EPHA6: variants seen among roughly 807,000 people sequenced by gnomAD.
EPHA6 encodes ephrin type-A receptor 6.
A neutral mutation model predicts 112.0 loss-of-function variants in EPHA6; 50 were observed. The ratio of observed to expected loss-of-function variants is 0.45; its 90% CI spans 0.36 to 0.56. EPHA6 has a LOEUF of 0.56. Ranked by LOEUF, EPHA6 falls within the 20% of genes least tolerant of loss-of-function variation. EPHA6 has a pLI of 0.00. For missense variants in EPHA6, 1,280 were observed against 1,417.4 expected (o/e 0.90, Z 1.56); for synonymous variants, 529 against 490.7 (o/e 1.08, Z -1.03).
rs868647313 is a variant in EPHA6, at chr3:97,750,549, G to T, written c.*1848G>T. 1.3e-5 allele frequency among the ~76,000 whole-genome samples: 2 copies of T among 151,928 alleles called. No individual in the cohort carries two copies. The highest frequency in any genetic ancestry group is 2.4e-5 in the African/African-American group (1 of 41,376). On this transcript the variant is annotated 3_prime_UTR_variant, in exon 18 of 18. Transcript: ENST00000389672. ...TTTTTGTATTTTTAGTAGAGACGGG[G>T]TTTCACCATGTTGGCCAGGCTGCTC... is the stretch of plus-strand genomic sequence containing the variant.
chr3:97,392,099 T>G (rs1338323492), intron 5 of EPHA6, among the ~76,000 whole-genome samples: 1 of 151,882 alleles, frequency 6.6e-6, no homozygotes, highest in African/African-American at 2.4e-5. Flanking sequence ...AAGCCACATA[T>G]ATTACTTTAT....
At chr3:97,479,164 T>C in intron 8 of EPHA6, 130 bp from the exon 9 acceptor site, 1 of 551,244 alleles carries the variant, frequency 1.8e-6, no homozygotes, top group Non-Finnish European at 3.1e-6. Flanking sequence ...TATTTTCACG[T>C]TATAAAGATA....
chr3:97,334,615 G>A (rs1297371530), intron 5 of EPHA6, among the ~76,000 whole-genome samples: 1 of 151,638 alleles, frequency 6.6e-6, no homozygotes. Context: ...AAGTAGCTGG[G>A]ACTACAGGTG....
intron 14 of EPHA6, among the ~76,000 whole-genome samples, chr3:97,644,319 G>A (rs2094037619): frequency 6.8e-6 from 1 of 146,856 alleles, no homozygotes; most frequent in Non-Finnish European, 1.5e-5. Flanking sequence ...AGCACTAAAT[G>A]CCCACAAGAG....
intron 3 of EPHA6, among the ~76,000 whole-genome samples, chr3:97,158,648 G>A (rs1415858346): frequency 6.6e-6 from 1 of 152,160 alleles, no homozygotes; most frequent in Non-Finnish European, 1.5e-5. Context: ...GGGAAAAATA[G>A]TCATTTATGT....
chr3:97,497,106 C>G (rs2107541831), intron 10 of EPHA6, among the ~76,000 whole-genome samples: 1 of 152,258 alleles, frequency 6.6e-6, no homozygotes, highest in Middle Eastern at 3.4e-3. Context: ...ACATGGAACC[C>G]TAGAATGGAA....
intron 3 of EPHA6, among the ~76,000 whole-genome samples, chr3:97,185,602 T>C (rs2077104944): frequency 6.6e-6 from 1 of 152,050 alleles, no homozygotes; most frequent in South Asian, 2.1e-4. Flanking sequence ...GGAACACTTT[T>C]ACACTGTTGG....
chr3:97,606,515 G>A (rs1489828373), intron 12 of EPHA6, among the ~76,000 whole-genome samples: 2 of 151,208 alleles, frequency 1.3e-5, no homozygotes, highest in African/African-American at 2.4e-5. Flanking sequence ...CTAGATGGAT[G>A]GTGATGTTTT....
chr3:97,138,224 G>A (rs1451076093), intron 3 of EPHA6, among the ~76,000 whole-genome samples: 1 of 152,176 alleles, frequency 6.6e-6, no homozygotes, highest in Non-Finnish European at 1.5e-5. Flanking sequence ...TGAGGAAGCT[G>A]CTGGTGACCA....
rs1374814143 is a variant in EPHA6 at position 96,868,125 on chromosome 3, A to G, written c.450+1236A>G. On this transcript the variant is annotated intron_variant, in intron 2 of 17. Coordinates refer to ENST00000389672, the MANE Select transcript of EPHA6 (RefSeq NM_001080448.3). Reference sequence around the variant, plus strand: ...TCATGTTTTTACTTTTAAGAAATGAATGAAACTTTTCTAAAATACCTTTTG... The same window carrying G: ...TCATGTTTTTACTTTTAAGAAATGAGTGAAACTTTTCTAAAATACCTTTTG... 2.0e-5 allele frequency among the ~76,000 whole-genome samples: 3 copies of G among 151,460 alleles called. No homozygotes were observed. In the East Asian group the frequency reaches 5.8e-4, roughly 29 times the overall value.
intron 13 of EPHA6, among the ~76,000 whole-genome samples, chr3:97,623,125 GTTTT>G (rs1034578200): frequency 6.6e-6 from 1 of 151,760 alleles, no homozygotes; most frequent in South Asian, 2.1e-4. Context: ...CAGTTTGTCA[GTTTT>G]TTCTTTTGTT....
intron 2 of EPHA6, among the ~76,000 whole-genome samples, chr3:96,953,068 CA>C (rs2041617055): frequency 6.6e-6 from 1 of 151,944 alleles, no homozygotes; most frequent in African/African-American, 2.4e-5. Context: ...CAAAAAAGAA[CA>C]ATATTTGAAT....
intron 3 of EPHA6, among the ~76,000 whole-genome samples, chr3:97,100,547 A>G (rs1175669192): frequency 1.3e-5 from 2 of 151,934 alleles, no homozygotes; most frequent in Non-Finnish European, 2.9e-5. Flanking sequence ...CTTTAGTACT[A>G]AGACTGAGAT....
chr3:97,181,579 ATATATATGTGTGTGTGTG>A (rs1388867151), intron 3 of EPHA6, among the ~76,000 whole-genome samples: 2 of 128,978 alleles, frequency 1.6e-5, no homozygotes, highest in African/African-American at 4.0e-5. Flanking sequence ...AGAAGTGTAT[ATATATATGTGTGTGTGTG>A]TATATATGTG....
At chr3:96,876,407 C>G (rs1053254589) in intron 2 of EPHA6, among the ~76,000 whole-genome samples, 44 of 151,524 alleles carry the variant, frequency 2.9e-4, no homozygotes, top group African/African-American at 1.0e-3. Context: ...TCATCATTTC[C>G]TCTCCAAGTT....
At chr3:97,528,401 C>G (rs970047450) in intron 10 of EPHA6, among the ~76,000 whole-genome samples, 8 of 152,034 alleles carry the variant, frequency 5.3e-5, no homozygotes, top group Admixed American at 1.3e-4. Flanking sequence ...AAAGCTCAGC[C>G]TTTATCACTA....
intron 11 of EPHA6, among the ~76,000 whole-genome samples, chr3:97,579,586 TA>T (rs1373703873): frequency 6.6e-6 from 1 of 152,182 alleles, no homozygotes; most frequent in Non-Finnish European, 1.5e-5. Context: ...ATTGATGTCA[TA>T]GGGTGATTCA....
At chr3:96,891,185 A>G (rs929282014) in intron 2 of EPHA6, among the ~76,000 whole-genome samples, 1 of 152,204 alleles carries the variant, frequency 6.6e-6, no homozygotes, top group Non-Finnish European at 1.5e-5. Context: ...AAACGTGGAC[A>G]TAACTGCCAA....
Position 97,006,417 on chromosome 3 carries a change from A to G in EPHA6, c.1114+18424A>G, listed in dbSNP as rs142473168. ...ATAGAGATGTTTATAGTATTCTCCA[A>G]TGGTGGTTTGTATTTCTGTGGGGTC... On this transcript the variant is annotated intron_variant, in intron 3 of 17. Transcript: ENST00000389672. Among the ~76,000 whole-genome samples the G allele has an allele frequency of 8.7e-4, 132 of 152,164 alleles. 1 individual carries two copies. The highest frequency in any genetic ancestry group is 3.0e-3 in the African/African-American group (125 of 41,514).
Sources: gnomAD v4.1 joint callset for allele counts (sites outside exome capture counted in the v4.1 genomes callset) on GRCh38, gnomAD v4.1.1 for gene constraint, MANE v1.5 for transcripts, NCBI Gene and HGNC (gene_info 2026-07-23, HGNC 2026-07-21) for gene names.